NOS3: variants seen among roughly 807,000 people sequenced by gnomAD.
The protein encoded by NOS3 is nitric oxide synthase 3, also known as NOS type III.
Under a neutral mutation model 144.9 loss-of-function variants are expected in NOS3, and 98 were observed. The ratio of observed to expected loss-of-function variants is 0.68; its 90% CI spans 0.57 to 0.80. The LOEUF (loss-of-function observed/expected upper bound fraction) is 0.80, where lower values mean the gene tolerates loss of function less well. Ranked by LOEUF, NOS3 falls within the 30% of genes least tolerant of loss-of-function variation. The pLI is 0.00. For synonymous variants in NOS3, 714 were observed against 702.4 expected, an observed-to-expected ratio of 1.02 and a Z score of -0.26; for missense variants, 1,465 against 1,656.4, an observed-to-expected ratio of 0.88 and a Z score of 2.01.
chr7:150,995,066 G>T (rs1160872547), intron 2 of NOS3, 137 bp from the exon 3 acceptor site: 2 of 570,802 alleles, frequency 3.5e-6, no homozygotes, highest in Non-Finnish European at 6.4e-6. Flanking sequence ...AGCTCCTAAG[G>T]CATGGGGAAC....
chr7:151,009,938 G>C (rs1008631647), intron 20 of NOS3, among the ~76,000 whole-genome samples, 177 bp from the exon 21 acceptor site: 1 of 152,184 alleles, frequency 6.6e-6, no homozygotes, highest in African/African-American at 2.4e-5. Flanking sequence ...AGGCAGAGGA[G>C]CCCAGACCAA....
At chr7:151,013,493 C>T (rs1207873195) in intron 25 of NOS3, 114 bp downstream of exon 25, 2 of 1,353,808 alleles carry the variant, frequency 1.5e-6, no homozygotes, top group Non-Finnish European at 1.0e-6. Context: ...CACGACCACT[C>T]AGCCACCCCT....
At chr7:151,012,218 GT>G (rs978902057) in intron 23 of NOS3, 132 bp from the exon 24 acceptor site, 3 of 522,028 alleles carry the variant, frequency 5.7e-6, no homozygotes, top group Non-Finnish European at 9.2e-6. Flanking sequence ...GTTGTTTTTT[GT>G]TTTTTGTTTT....
intron 9 of NOS3, 137 bp from the exon 10 acceptor site, chr7:151,000,361 C>T (rs1795062200): frequency 1.6e-6 from 1 of 642,152 alleles, no homozygotes; most frequent in African/African-American, 1.8e-5. Flanking sequence ...GAACCAGCCC[C>T]CTAGGCAGCC....
intron 10 of NOS3, among the ~76,000 whole-genome samples, 163 bp downstream of exon 10, chr7:151,000,762 G>A (rs1353856498): frequency 1.3e-5 from 2 of 152,190 alleles, no homozygotes; most frequent in African/African-American, 2.4e-5. Flanking sequence ...CCTGCGGTTC[G>A]GGGACAGGGC....
intron 4 of NOS3, 94 bp from the exon 5 acceptor site, chr7:150,996,669 C>T (rs1734182351): frequency 8.7e-6 from 13 of 1,487,662 alleles, no homozygotes; most frequent in South Asian, 5.0e-5. Flanking sequence ...GGGCCCCTCC[C>T]GCCCTCCCCC....
At chr7:151,005,595 G>C (rs541051253) in intron 14 of NOS3, among the ~76,000 whole-genome samples, 6 of 152,168 alleles carry the variant, frequency 3.9e-5, no homozygotes, top group Non-Finnish European at 8.8e-5. Flanking sequence ...CTGCGAGGAC[G>C]ATCTGCCTGC....
Position 151,010,661 on chromosome 7 carries a change from A to T in NOS3, c.2750A>T (p.Gln917Leu). 8 of 1,608,168 alleles carry T rather than the reference A, an allele frequency of 5.0e-6. No individual in the cohort carries two copies. Among genetic ancestry groups the T allele is most frequent in the Non-Finnish European group, 6.8e-6 (8 of 1,177,650 alleles). The change falls in exon 22 of 27, where the codon CAG becomes CTG. Residue 917 changes from glutamine (Q) to leucine (L), a missense_variant. By Grantham distance (113) the Gln-to-Leu change is moderately radical. Coordinates refer to ENST00000297494, the MANE Select transcript of NOS3 (RefSeq NM_000603.5). ...CCCACGCTGCTGGAGGTGCTGGAGC[A>T]GTTCCCGTCGGTGGCGCTGCCTGCC... Reference protein sequence around the residue: ...RCPTLLEVLEQFPSVALPAPL... With the variant: ...RCPTLLEVLELFPSVALPAPL...
In NOS3 at chr7:151,010,103, C is replaced by A; in HGVS notation, c.2513-12C>A. The A allele has an allele frequency of 1.3e-6, 2 of 1,561,158 alleles. No individual in the cohort carries two copies. Among genetic ancestry groups the A allele is most frequent in the Non-Finnish European group, 8.8e-7 (1 of 1,136,852 alleles). On this transcript the variant is annotated splice_polypyrimidine_tract_variant and intron_variant, in intron 20 of 26. Coordinates refer to ENST00000297494, the MANE Select transcript of NOS3 (RefSeq NM_000603.5). ...GGCCCTGTCCTCAGAGCTCCCTGTG[C>A]ACTATCCCCAGGTGGCCCTCCCCCC...
At chr7:151,001,083 G>A (rs1795081220) in intron 10 of NOS3, 148 bp from the exon 11 acceptor site, 7 of 739,442 alleles carry the variant, frequency 9.5e-6, no homozygotes, top group Non-Finnish European at 1.6e-5. Flanking sequence ...TGGGGTGAGG[G>A]TGACATTGTG....
Position 151,006,778 on chromosome 7 carries a change from C to T in NOS3, c.1821-111C>T, listed in dbSNP as rs1227867793. On this transcript the variant is annotated intron_variant, in intron 15 of 26. Coordinates refer to ENST00000297494, the MANE Select transcript of NOS3 (RefSeq NM_000603.5). ...CCCTCAGCCCCTCCCAAGGGCAGGG[C>T]CTTTCCTGTCCCAGAGGCAGAGACC... 9.0e-6 allele frequency: 8 copies of T among 892,400 alleles called. No homozygotes were observed. The East Asian group carries it at 1.7e-4, about 19-fold the overall frequency. The allele number at this position is 892,400 out of a possible 1,614,324, so 55.3% of individuals were successfully genotyped here.
intron 14 of NOS3, among the ~76,000 whole-genome samples, chr7:151,004,212 CTA>C (rs1266260802): frequency 2.0e-5 from 3 of 152,294 alleles, no homozygotes; most frequent in Admixed American, 2.0e-4. Flanking sequence ...TGGCGCACGC[CTA>C]TAGTCCTAGC....
Position 150,998,608 on chromosome 7 carries a change from G to T in NOS3, c.744G>T (p.Leu248=). Residue 248 remains leucine (L), a synonymous_variant, in exon 7 of 27, where the codon CTG becomes CTT. Coordinates refer to ENST00000297494, the MANE Select transcript of NOS3 (RefSeq NM_000603.5). The surrounding 1 kb of genome is among the most constrained non-coding windows in gnomAD (Gnocchi z 5.0). ...RGDFRIWNSQ[L]VRYAGYRQQD... is the part of the protein sequence containing the mutation. Reference sequence around the variant, plus strand: ...ACTTCCGAATCTGGAACAGCCAGCTGGTGCGCTACGCGGGCTACCGGCAGC... The same window carrying T: ...ACTTCCGAATCTGGAACAGCCAGCTTGTGCGCTACGCGGGCTACCGGCAGC... 1 of 1,608,802 alleles carries T rather than the reference G, an allele frequency of 6.2e-7. No homozygotes were observed.
At chr7:151,010,875 C>T (rs777365964) in intron 22 of NOS3, 24 bp from the exon 23 acceptor site, 5 of 1,610,050 alleles carry the variant, frequency 3.1e-6, no homozygotes, top group South Asian at 1.1e-5. Context: ...TGGCCCCTCA[C>T]CGGCCTCTCC....
In NOS3 at chr7:151,010,625, G is replaced by T; in HGVS notation, c.2714G>T (p.Trp905Leu). ...QDPRRYEEWK[W>L]FRCPTLLEVL... ...CCCCGACGCTACGAGGAGTGGAAGTGGTTCCGCTGCCCCACGCTGCTGGAG... is the reference window on the plus strand; with the variant it reads ...CCCCGACGCTACGAGGAGTGGAAGTTGTTCCGCTGCCCCACGCTGCTGGAG... Residue 905 changes from tryptophan (W) to leucine (L), a missense_variant, in exon 22 of 27, where the codon TGG (tryptophan) becomes TTG (leucine). Trp to Leu is a moderately conservative substitution (Grantham distance 61). Transcript: ENST00000297494. 1 of 1,601,590 alleles carries T rather than the reference G, an allele frequency of 6.2e-7. No individual in the cohort carries two copies. The highest frequency in any genetic ancestry group is 8.5e-7 in the Non-Finnish European group (1 of 1,174,250).
Position 150,996,534 on chromosome 7 carries a change from A to T in NOS3, c.401A>T (p.Tyr134Phe), listed in dbSNP as rs2117104700. ...LSQARDFINQ[Y>F]YSSIKRSGSQ... ...CAGGCCCGGGACTTCATCAACCAGT[A>T]CTACAGCTCCATTAAGAGGTGACAG... The change falls in exon 4 of 27, where the codon TAC (tyrosine) becomes TTC (phenylalanine). Residue 134 changes from tyrosine (Y) to phenylalanine (F), a missense_variant. Physicochemically the swap from Tyr to Phe is conservative, Grantham distance 22. Around this residue, in one of 5 missense-constraint regions of NOS3, gnomAD observed 374 missense variants for 377.0 expected, o/e 0.99. Transcript: ENST00000297494. The T allele has an allele frequency of 8.7e-6, 14 of 1,602,820 alleles. No individual in the cohort carries two copies. The highest frequency in any genetic ancestry group is 1.2e-5 in the Non-Finnish European group (14 of 1,175,222).
intron 17 of NOS3, among the ~76,000 whole-genome samples, chr7:151,008,033 T>A (rs1190654688): frequency 6.6e-6 from 1 of 152,058 alleles, no homozygotes; most frequent in Admixed American, 6.5e-5. Context: ...ACATAGGCCC[T>A]GATTGGGAAG....
intron 10 of NOS3, 122 bp from the exon 11 acceptor site, chr7:151,001,107 CAG>C: frequency 5.5e-6 from 5 of 904,468 alleles, no homozygotes; most frequent in Non-Finnish European, 8.7e-6. Flanking sequence ...TGAGGGGACA[CAG>C]GGTGTGTTAG....
At position 150,993,953 on chromosome 7, in the gene NOS3, A is replaced by C. The variant is rs1301155363; in HGVS notation, c.150A>C (p.Pro50=). ...CAGCATCCCTACTCCCACCAGCGCCAGAACACAGGTAAGGGCCAGGCAGCT... is the reference window on the plus strand; with the variant it reads ...CAGCATCCCTACTCCCACCAGCGCCCGAACACAGGTAAGGGCCAGGCAGCT... ...RAPASLLPPA[P]EHSPPSSPLT... is the part of the protein sequence containing the mutation. The change falls in exon 2 of 27, where the codon CCA becomes CCC. Residue 50 remains proline (P), a synonymous_variant. Transcript: ENST00000297494. The surrounding 1 kb of genome is among the most constrained non-coding windows in gnomAD (Gnocchi z 4.0). 6.4e-7 allele frequency: 1 copy of C among 1,565,212 alleles called. No individual in the cohort carries two copies. Among genetic ancestry groups the C allele is most frequent in the Admixed American group, 1.9e-5 (1 of 53,400 alleles).
Sources: gnomAD v4.1 joint callset for allele counts (sites outside exome capture counted in the v4.1 genomes callset) on GRCh38, gnomAD v4.1.1 for gene constraint, gnomAD v4.1.1 regional missense constraint, Gnocchi (gnomAD v3.1) non-coding constraint, MANE v1.5 for transcripts, NCBI Gene and HGNC (gene_info 2026-07-23, HGNC 2026-07-21) for gene names.